Variants in ERCC6 observed in about 807,000 individuals in gnomAD.
The protein encoded by ERCC6 is ERCC excision repair 6, chromatin remodeling factor.
A neutral mutation model predicts 158.7 loss-of-function variants in ERCC6; 116 were observed. That is an observed-to-expected ratio of 0.73 (90% confidence interval 0.63 to 0.85). ERCC6 has a LOEUF of 0.85. ERCC6 is among the 40% of genes least tolerant of loss of function. The pLI is 0.00. For missense variants in ERCC6, 1,698 were observed against 1,799.4 expected (o/e 0.94, Z 1.02); for synonymous variants, 678 against 659.3 (o/e 1.03, Z -0.43).
intron 2 of ERCC6, among the ~76,000 whole-genome samples, chr10:49,531,708 G>A (rs909576680): frequency 1.3e-5 from 2 of 152,208 alleles, no homozygotes; most frequent in African/African-American, 2.4e-5. Flanking sequence ...ACCAGGGAAT[G>A]GTTAGCAGAA....
rs79526894 is a variant in ERCC6, at chr10:49,529,496, T to C, written c.544-971A>G. Among the ~76,000 whole-genome samples the C allele has an allele frequency of 3.8e-3, 574 of 152,308 alleles. 6 individuals are homozygous for C. The highest frequency in any genetic ancestry group is 0.013 in the African/African-American group (556 of 41,568). On this transcript the variant is annotated intron_variant, in intron 3 of 20. Coordinates refer to ENST00000355832, the MANE Select transcript of ERCC6 (RefSeq NM_000124.4). ...AAGGTCTCTGCACATCAATTTCACA[T>C]GCTCCCACAAGAGACCAGATGTCCT...
rs144445150 is a variant in ERCC6, at chr10:49,470,701, G to A, written c.3259C>T (p.Arg1087Ter). The change falls in exon 18 of 21, where the codon CGA (arginine) becomes TGA (stop). Residue 1087 changes from arginine (R) to a stop codon, truncating the protein, a stop_gained. Coordinates refer to ENST00000355832, the MANE Select transcript of ERCC6 (RefSeq NM_000124.4). LOFTEE classifies it high-confidence loss of function. ...GGGTCATCTTTCAAAGGATCACTTC[G>A]ATTAGAAGTTACTGCATTTACTTCA... ...GAEVNAVTSN[R>*]SDPLKDDPHM... The A allele has an allele frequency of 2.1e-5, 34 of 1,613,900 alleles. No homozygotes were observed. Among genetic ancestry groups the A allele is most frequent in the African/African-American group, 9.3e-5 (7 of 74,896 alleles).
intron 11 of ERCC6, 37 bp downstream of exon 11, chr10:49,478,317 C>CT (rs1456748453): frequency 1.5e-6 from 2 of 1,302,282 alleles, no homozygotes; most frequent in Admixed American, 1.7e-5. Context: ...CACACTTGTG[C>CT]TTTAGGAATG....
At chr10:49,518,302 C>A (rs569803631) in intron 5 of ERCC6, among the ~76,000 whole-genome samples, 2 of 152,194 alleles carry the variant, frequency 1.3e-5, no homozygotes, top group Non-Finnish European at 2.9e-5. Context: ...AATGCTTGTC[C>A]GAGTCTGCTG....
intron 2 of ERCC6, 61 bp downstream of exon 2, chr10:49,532,482 C>T: frequency 1.9e-6 from 3 of 1,605,084 alleles, no homozygotes; most frequent in Non-Finnish European, 2.5e-6. Flanking sequence ...CTTTCCATTA[C>T]CTGAATATCC....
chr10:49,470,654 AG>A lies in ERCC6; in HGVS notation c.3305del (p.Thr1102IlefsTer21). The A allele has an allele frequency of 1.2e-6, 2 of 1,613,824 alleles. No individual in the cohort carries two copies. Among genetic ancestry groups the A allele is most frequent in the African/African-American group, 2.7e-5 (2 of 75,024 alleles). ...KDDPHMSSNV[T>X]SNDRLGEETN... Reference sequence around the variant, plus strand: ...TCTCTTCTCCAAGCCTATCATTGCTAGTTACATTACTACTCATGTGAGGGTC... The same window carrying A: ...TCTCTTCTCCAAGCCTATCATTGCTATTACATTACTACTCATGTGAGGGTC... On this transcript the variant is annotated frameshift_variant, in exon 18 of 21. Coordinates refer to ENST00000355832, the MANE Select transcript of ERCC6 (RefSeq NM_000124.4). LOFTEE classifies it high-confidence loss of function.
the ERCC6 span, among the ~76,000 whole-genome samples, chr10:49,439,247 T>G: frequency 6.6e-6 from 1 of 152,246 alleles, no homozygotes; most frequent in Non-Finnish European, 1.5e-5. Context: ...ATCTAGGCAT[T>G]TCCATACATC....
chr10:49,525,995 A>C (rs1837310227), intron 4 of ERCC6, among the ~76,000 whole-genome samples: 1 of 151,178 alleles, frequency 6.6e-6, no homozygotes, highest in Non-Finnish European at 1.5e-5. Context: ...GTTAACTCTC[A>C]CTGTTAATGC....
At position 49,532,791 on chromosome 10, in the gene ERCC6, A is replaced by G; in HGVS notation, c.174T>C (p.Ala58=). Reference sequence around the variant, plus strand: ...TCGGAGCTGCTGATGCGCACCCCACAGCAGAGGTGGACAGCCCGTCACCCA... The same window carrying G: ...TCGGAGCTGCTGATGCGCACCCCACGGCAGAGGTGGACAGCCCGTCACCCA... ...RSVGDGLSTS[A]VGCASAAPRR... The change falls in exon 2 of 21, where the codon GCT becomes GCC. Residue 58 remains alanine, a synonymous_variant. Transcript: ENST00000355832. The G allele has an allele frequency of 4.3e-6, 7 of 1,614,192 alleles. No homozygotes were observed. The highest frequency in any genetic ancestry group is 1.3e-5 in the African/African-American group (1 of 75,056).
chr10:49,514,452 TAATAA>T (rs879475237), intron 5 of ERCC6, among the ~76,000 whole-genome samples: 2 of 152,204 alleles, frequency 1.3e-5, no homozygotes, highest in Admixed American at 6.5e-5. Flanking sequence ...GAGATCATAT[TAATAA>T]AATAAACATG....
At position 49,515,608 on chromosome 10, in the gene ERCC6, T is replaced by A. The variant is rs181055741; in HGVS notation, c.1397+8425A>T. The A allele has an allele frequency of 4.3e-6, 7 of 1,614,108 alleles. No individual in the cohort carries two copies. The East Asian group carries it at 1.6e-4, about 36-fold the overall frequency. On this transcript the variant is annotated intron_variant, in intron 5 of 20. Coordinates refer to ENST00000355832, the MANE Select transcript of ERCC6 (RefSeq NM_000124.4). Reference sequence around the variant, plus strand: ...TCCACTGGTTTCTCATCATATGTTTTATGCAATTGCCAAGCATTTTGTAAG... The same window carrying A: ...TCCACTGGTTTCTCATCATATGTTTAATGCAATTGCCAAGCATTTTGTAAG...
At chr10:49,460,814 A>C (rs903634759) in intron 19 of ERCC6, among the ~76,000 whole-genome samples, 6 of 151,996 alleles carry the variant, frequency 3.9e-5, no homozygotes, top group African/African-American at 1.4e-4. Context: ...CCAGCTACTC[A>C]GGAAGCAGAG....
chr10:49,460,131 C>T, intron 20 of ERCC6: 2 of 569,786 alleles, frequency 3.5e-6, no homozygotes, highest in Non-Finnish European at 6.3e-6. Flanking sequence ...CTGTGTCAAC[C>T]TTCTAATGGC....
At chr10:49,520,085 G>T (rs950239696) in intron 5 of ERCC6, among the ~76,000 whole-genome samples, 8 of 152,210 alleles carry the variant, frequency 5.3e-5, no homozygotes, top group African/African-American at 1.9e-4. Flanking sequence ...GAGGATTTTT[G>T]AGAAACTGAT....
intron 4 of ERCC6, among the ~76,000 whole-genome samples, chr10:49,527,871 C>T (rs1837377872): frequency 6.6e-6 from 1 of 152,214 alleles, no homozygotes; most frequent in Non-Finnish European, 1.5e-5. Flanking sequence ...CATACACACA[C>T]ACAATGACTG....
chr10:49,524,302 G>T lies in ERCC6; in HGVS notation c.1128C>A (p.Pro376=), dbSNP rs771340868. Residue 376 remains proline (P), a synonymous_variant, in exon 5 of 21, where the codon CCC becomes CCA. Coordinates refer to ENST00000355832, the MANE Select transcript of ERCC6 (RefSeq NM_000124.4). ...DSEGEESEYF[P]TEEEEEEEDD... ...CTTCCTCCTCTTCCTCCTCCTCTGT[G>T]GGGAAATACTCAGACTCTTCACCCT... 6 of 1,613,880 alleles carry T rather than the reference G, an allele frequency of 3.7e-6. No homozygotes were observed. The South Asian group carries it at 6.6e-5, about 18-fold the overall frequency.
rs1048891551 is a variant in ERCC6 at position 49,490,777 on chromosome 10, C to A, written c.1821+2340G>T. ...TTTTAAATATTTCTAAAGAGAAATTCTCTTCTCTTCCCTGTTCCTAATACA... is the reference window on the plus strand; with the variant it reads ...TTTTAAATATTTCTAAAGAGAAATTATCTTCTCTTCCCTGTTCCTAATACA... On this transcript the variant is annotated intron_variant, in intron 8 of 20. Coordinates refer to ENST00000355832, the MANE Select transcript of ERCC6 (RefSeq NM_000124.4). Among the ~76,000 whole-genome samples, 8 of 152,166 alleles carry A rather than the reference C, an allele frequency of 5.3e-5. No individual in the cohort carries two copies. In the East Asian group the frequency reaches 9.6e-4, roughly 18 times the overall value.
rs1837387980 is a variant in ERCC6, at chr10:49,528,286, T to C, written c.652+131A>G. ...GTAGAGAATAAAATTTTCCTAAATC[T>C]GTTTTGACACTAAGGCAAAGAAACG... On this transcript the variant is annotated intron_variant, in intron 4 of 20. Transcript: ENST00000355832. The C allele has an allele frequency of 9.3e-6, 10 of 1,073,542 alleles. 1 individual carries two copies. In the South Asian group the frequency reaches 1.4e-4, roughly 15 times the overall value. 66.5% of individuals were successfully genotyped at this position (1,073,542 alleles called of 1,614,324 possible).
intron 6 of ERCC6, chr10:49,502,220 T>C (rs987534342): frequency 3.9e-5 from 6 of 152,200 alleles, no homozygotes; most frequent in Non-Finnish European, 8.8e-5. Flanking sequence ...TTCTAGAAGT[T>C]TGACTCTAGC....
Sources: allele counts gnomAD v4.1 joint callset (sites outside exome capture counted in the v4.1 genomes callset), GRCh38; gene constraint gnomAD v4.1.1; transcripts MANE v1.5; gene names NCBI Gene and HGNC (gene_info 2026-07-23, HGNC 2026-07-21).